PRR33: variants seen among roughly 807,000 people sequenced by gnomAD.
PRR33 encodes proline rich 33, also known as proline-rich protein 33.
Under a neutral mutation model 0.5 loss-of-function variants are expected in PRR33, and 1 was observed. The observed-to-expected ratio is 2.18, with a 90% CI of 0.77 to 10.34. PRR33 has a LOEUF of 10.34. PRR33 is among the 30% of genes most tolerant of loss of function. The probability of loss-of-function intolerance (pLI) is 0.13; values close to 1 mark genes in which losing one functional copy is unlikely to be tolerated. For synonymous variants in PRR33, 226 were observed against 110.0 expected, an observed-to-expected ratio of 2.06 and a Z score of -6.60; for missense variants, 552 against 251.8, an observed-to-expected ratio of 2.19 and a Z score of -8.07.
At chr11:1,915,498 T>A in the PRR33 span, among the ~76,000 whole-genome samples, 2 of 142,858 alleles carry the variant, frequency 1.4e-5, no homozygotes, top group South Asian at 4.8e-4. Context: ...TGTTTCTTTG[T>A]GTGTGTTGTG....
the PRR33 span, among the ~76,000 whole-genome samples, chr11:1,915,139 C>CTGTGTGTGTGTGTGTG: frequency 5.4e-5 from 7 of 128,486 alleles, no homozygotes; most frequent in East Asian, 2.5e-4. Context: ...GATGATGTTT[C>CTGTGTGTGTGTGTGTG]TGTGTGTGTG....
chr11:1,888,900 G>A (rs1188416246), exon 1 of PRR33: 3 of 441,118 alleles, frequency 6.8e-6, no homozygotes, highest in Non-Finnish European at 1.2e-5. Context: ...CCCCTTCTCT[G>A]TTCCCCTCAC....
chr11:1,903,688 C>G, the PRR33 span, among the ~76,000 whole-genome samples: 1 of 152,188 alleles, frequency 6.6e-6, no homozygotes, highest in Non-Finnish European at 1.5e-5. Context: ...CACGTACGGA[C>G]ATACGAGCCA....
At chr11:1,911,335 G>C in the PRR33 span, among the ~76,000 whole-genome samples, 1 of 151,570 alleles carries the variant, frequency 6.6e-6, no homozygotes, top group Non-Finnish European at 1.5e-5. Flanking sequence ...CCAGCTACTA[G>C]GGAGGCCAAG....
At chr11:1,914,950 T>G in the PRR33 span, among the ~76,000 whole-genome samples, 1 of 147,068 alleles carries the variant, frequency 6.8e-6, no homozygotes, top group Non-Finnish European at 1.5e-5. Context: ...GTCACACACC[T>G]GGGGATGATG....
chr11:1,899,300 G>A, the PRR33 span, among the ~76,000 whole-genome samples: 6 of 152,082 alleles, frequency 3.9e-5, no homozygotes, highest in East Asian at 1.9e-4. Flanking sequence ...CCTCTTGAGC[G>A]GTGAGATAAC....
At chr11:1,914,759 T>C in the PRR33 span, among the ~76,000 whole-genome samples, 1 of 142,846 alleles carries the variant, frequency 7.0e-6, no homozygotes, top group African/African-American at 2.6e-5. Context: ...ACCTGGGATG[T>C]TTCTGTGTCT....
At chr11:1,916,537 G>C in the PRR33 span, among the ~76,000 whole-genome samples, 1 of 152,038 alleles carries the variant, frequency 6.6e-6, no homozygotes, top group Non-Finnish European at 1.5e-5. Flanking sequence ...GCTTGGGACG[G>C]TGACCAAGGG....
chr11:1,906,215 C>CT, the PRR33 span, among the ~76,000 whole-genome samples: 516 of 152,206 alleles, frequency 3.4e-3, 3 homozygotes, highest in African/African-American at 0.012. Flanking sequence ...TTGTTATTTG[C>CT]TTTCTATTTG....
At chr11:1,889,290 C>G (rs1382961147) in exon 1 of PRR33, 2 of 697,318 alleles carry the variant, frequency 2.9e-6, no homozygotes, top group South Asian at 1.5e-5. Context: ...GAAGGGCAGG[C>G]GGGTGAGGCT....
the PRR33 span, among the ~76,000 whole-genome samples, chr11:1,900,510 C>G: frequency 6.6e-6 from 1 of 152,176 alleles, no homozygotes; most frequent in African/African-American, 2.4e-5. Flanking sequence ...TTATCAGGGT[C>G]CTTTCTCTCC....
At chr11:1,901,595 C>A in the PRR33 span, among the ~76,000 whole-genome samples, 7 of 152,112 alleles carry the variant, frequency 4.6e-5, 1 homozygote, top group South Asian at 4.1e-4. Flanking sequence ...AGCTAGGGAA[C>A]AATTTGCCTT....
At chr11:1,901,775 G>A in the PRR33 span, among the ~76,000 whole-genome samples, 1 of 152,212 alleles carries the variant, frequency 6.6e-6, no homozygotes, top group Non-Finnish European at 1.5e-5. Flanking sequence ...ACAAAGGTAA[G>A]ACTTGTTACG....
the PRR33 span, among the ~76,000 whole-genome samples, chr11:1,913,227 C>T: frequency 3.9e-5 from 6 of 151,982 alleles, no homozygotes; most frequent in South Asian, 4.2e-4. Context: ...CCCAGCTTCG[C>T]GCCATTCTCC....
the PRR33 span, among the ~76,000 whole-genome samples, chr11:1,915,440 G>A: frequency 2.0e-5 from 3 of 148,524 alleles, no homozygotes; most frequent in Admixed American, 1.3e-4. Context: ...CTGGGATGAT[G>A]TTTCTGCGTG....
the PRR33 span, among the ~76,000 whole-genome samples, chr11:1,903,551 A>G: frequency 1.3e-5 from 2 of 152,184 alleles, no homozygotes; most frequent in African/African-American, 4.8e-5. Context: ...GCTAATTAGG[A>G]GCCCTTGTTT....
exon 1 of PRR33, chr11:1,891,298 T>G (rs1848991945): frequency 6.6e-6 from 1 of 152,114 alleles, no homozygotes; most frequent in African/African-American, 2.4e-5. Context: ...ATGGCATCTG[T>G]CCGAGCCAGA....
the PRR33 span, among the ~76,000 whole-genome samples, chr11:1,910,496 C>T: frequency 2.0e-5 from 3 of 152,198 alleles, no homozygotes; most frequent in African/African-American, 7.2e-5. Context: ...GATCCAGCCA[C>T]CTCGGCCTTC....
upstream of PRR33, among the ~76,000 whole-genome samples, chr11:1,893,991 G>A (rs1039989844): frequency 3.1e-4 from 37 of 119,632 alleles, no homozygotes; most frequent in African/African-American, 1.2e-3. Context: ...AGAGCGGGAA[G>A]GATGGATGGA....
Sources: allele counts gnomAD v4.1 joint callset (sites outside exome capture counted in the v4.1 genomes callset), GRCh38; gene constraint gnomAD v4.1.1; transcripts MANE v1.5; gene names NCBI Gene and HGNC (gene_info 2026-07-23, HGNC 2026-07-21).